PTPRK: variants seen among roughly 807,000 people sequenced by gnomAD.
The protein encoded by PTPRK is protein tyrosine phosphatase receptor type K.
Under a neutral mutation model 178.0 loss-of-function variants are expected in PTPRK, and 75 were observed. That is an observed-to-expected ratio of 0.42 (90% CI 0.35 to 0.51). The LOEUF (loss-of-function observed/expected upper bound fraction) is 0.51, where lower values mean the gene tolerates loss of function less well. Among genes scored for constraint, PTPRK ranks in the 20% least tolerant of loss-of-function variants. The pLI, the probability that PTPRK is intolerant of heterozygous loss-of-function variation, is 0.02. For missense variants in PTPRK, 1,441 were observed against 1,797.8 expected (o/e 0.80, Z 3.59); for synonymous variants, 637 against 620.6 (o/e 1.03, Z -0.39).
At chr6:128,141,065 T>C (rs1386954497) in intron 7 of PTPRK, among the ~76,000 whole-genome samples, 1 of 152,000 alleles carries the variant, frequency 6.6e-6, no homozygotes, top group African/African-American at 2.4e-5. Context: ...AAACACAACT[T>C]GATTTCTTCA....
chr6:128,019,323 C>T (rs1773090662), intron 13 of PTPRK, among the ~76,000 whole-genome samples: 1 of 152,098 alleles, frequency 6.6e-6, no homozygotes, highest in Non-Finnish European at 1.5e-5. Flanking sequence ...ATGTTTAACA[C>T]TGCCTTTTCA....
rs11373222 is a variant in PTPRK, at chr6:128,415,504, G to GAA, written c.101-17818_101-17817dup. Among the ~76,000 whole-genome samples, 1,313 of 143,904 alleles carry GAA rather than the reference G, an allele frequency of 9.1e-3. 5 individuals are homozygous for GAA. The highest frequency in any genetic ancestry group is 0.012 in the South Asian group (54 of 4,472). 94.4% of individuals were successfully genotyped at this position (143,904 alleles called of 152,430 possible). ...ACATGCCATTTGAGATATGCAGTGA[G>GAA]AAAAAAAAAAAAAAAATTATTCTCA... is the stretch of plus-strand genomic sequence containing the variant. On this transcript the variant is annotated intron_variant, in intron 1 of 29. Transcript: ENST00000368226.
At chr6:128,491,922 C>G in intron 1 of PTPRK, 1 of 451,520 alleles carries the variant, frequency 2.2e-6, no homozygotes, top group Non-Finnish European at 4.5e-6. Context: ...AATGAAACTT[C>G]CCCTGGGAAT....
chr6:128,017,751 A>AAT (rs969518782), intron 13 of PTPRK, among the ~76,000 whole-genome samples: 1 of 34,500 alleles, frequency 2.9e-5, no homozygotes, highest in Non-Finnish European at 4.9e-5. Flanking sequence ...TATATAAATA[A>AAT]ATATATATAC....
At chr6:128,245,769 T>C (rs953735622) in intron 3 of PTPRK, among the ~76,000 whole-genome samples, 2 of 152,198 alleles carry the variant, frequency 1.3e-5, no homozygotes, top group Non-Finnish European at 2.9e-5. Context: ...TTGTAAATAC[T>C]GGAACAAGGG....
At chr6:128,018,853 G>T (rs762375992) in intron 13 of PTPRK, among the ~76,000 whole-genome samples, 1 of 152,074 alleles carries the variant, frequency 6.6e-6, no homozygotes, top group African/African-American at 2.4e-5. Flanking sequence ...ATCTGTTATT[G>T]TTTATCATTT....
intron 7 of PTPRK, among the ~76,000 whole-genome samples, chr6:128,127,542 C>G (rs17055339): frequency 0.025 from 3,876 of 152,288 alleles, 76 homozygotes; most frequent in Middle Eastern, 0.095. Flanking sequence ...ATTACAACAG[C>G]GATGCAATGT....
chr6:128,011,266 T>G (rs1435557732), intron 13 of PTPRK, among the ~76,000 whole-genome samples: 1 of 151,196 alleles, frequency 6.6e-6, no homozygotes, highest in Non-Finnish European at 1.5e-5. Flanking sequence ...AATCAAAGAC[T>G]ACTTTCTTCA....
chr6:128,113,394 T>C (rs1384494381), intron 7 of PTPRK, among the ~76,000 whole-genome samples: 5 of 149,590 alleles, frequency 3.3e-5, no homozygotes, highest in South Asian at 4.2e-4. Context: ...AAATTATATA[T>C]ATAAAATAAC....
At position 127,985,835 on chromosome 6, in the gene PTPRK, A is replaced by T; in HGVS notation, c.3137T>A (p.Phe1046Tyr). 1.9e-6 allele frequency: 3 copies of T among 1,613,664 alleles called. No homozygotes were observed. Among genetic ancestry groups the T allele is most frequent in the Non-Finnish European group, 2.5e-6 (3 of 1,179,636 alleles). The part of the protein sequence containing the change: ...NEIREVKQFH[F>Y]TGWPDHGVPY... ...CACTCCATGGTCAGGCCAGCCCGTG[A>T]AATGGAACTGTTTAACTTCACGGAT... Residue 1046 changes from phenylalanine to tyrosine, a missense_variant, in exon 22 of 30, where the codon TTC becomes TAC. By Grantham distance (22) the Phe-to-Tyr change is conservative. Transcript: ENST00000368226.
chr6:128,189,515 A>C (rs1243082978), intron 6 of PTPRK, among the ~76,000 whole-genome samples: 1 of 152,012 alleles, frequency 6.6e-6, no homozygotes, highest in Non-Finnish European at 1.5e-5. Context: ...CTGGGATTAC[A>C]GGTGTGAGCC....
At chr6:128,199,192 A>G (rs1000594034) in intron 6 of PTPRK, among the ~76,000 whole-genome samples, 1 of 152,166 alleles carries the variant, frequency 6.6e-6, no homozygotes, top group Non-Finnish European at 1.5e-5. Flanking sequence ...GCTATTGTAA[A>G]TAGCTCAAGG....
intron 1 of PTPRK, among the ~76,000 whole-genome samples, chr6:128,435,949 T>C (rs1178214433): frequency 6.7e-6 from 1 of 150,182 alleles, no homozygotes; most frequent in African/African-American, 2.4e-5. Context: ...AGTCAACTAA[T>C]TGACCAAATT....
At chr6:128,464,203 AT>A (rs962533505) in intron 1 of PTPRK, among the ~76,000 whole-genome samples, 3 of 152,170 alleles carry the variant, frequency 2.0e-5, no homozygotes, top group Admixed American at 6.6e-5. Flanking sequence ...ACAAAAAAAA[AT>A]CTCTTCATGT....
chr6:128,093,657 CAAAA>C (rs1434822541), intron 7 of PTPRK, among the ~76,000 whole-genome samples: 2 of 41,534 alleles, frequency 4.8e-5, no homozygotes, highest in African/African-American at 9.6e-5. Context: ...AAACAAAAAA[CAAAA>C]AAGGAAAAAA....
chr6:128,439,753 T>G (rs1233086646), intron 1 of PTPRK, among the ~76,000 whole-genome samples: 1 of 152,202 alleles, frequency 6.6e-6, no homozygotes, highest in Non-Finnish European at 1.5e-5. Context: ...TCTAAACATC[T>G]GAATGGTTCC....
chr6:128,360,911 C>A (rs959752492), intron 2 of PTPRK, among the ~76,000 whole-genome samples: 10 of 152,062 alleles, frequency 6.6e-5, no homozygotes, highest in African/African-American at 2.2e-4. Context: ...CATGAAATAA[C>A]CTGTGTCATA....
intron 13 of PTPRK, among the ~76,000 whole-genome samples, chr6:128,038,372 T>C (rs1776578635): frequency 6.6e-6 from 1 of 152,216 alleles, no homozygotes; most frequent in Non-Finnish European, 1.5e-5. Flanking sequence ...AAAATATTCT[T>C]CACATTTGCC....
At position 128,393,835 on chromosome 6, in the gene PTPRK, A is replaced by G. The variant is rs968757569; in HGVS notation, c.223+3731T>C. ...GTGTGCATTGGTTTTTATTTTTTTCAATTTACATTGACATATCAGATACAT... is the reference window on the plus strand; with the variant it reads ...GTGTGCATTGGTTTTTATTTTTTTCGATTTACATTGACATATCAGATACAT... On this transcript the variant is annotated intron_variant, in intron 2 of 29. Transcript: ENST00000368226. 5.3e-5 allele frequency among the ~76,000 whole-genome samples: 8 copies of G among 152,166 alleles called. No individual in the cohort carries two copies. The East Asian group carries it at 1.5e-3, about 29-fold the overall frequency.
Sources: allele counts gnomAD v4.1 joint callset (sites outside exome capture counted in the v4.1 genomes callset), GRCh38; gene constraint gnomAD v4.1.1; transcripts MANE v1.5; gene names NCBI Gene and HGNC (gene_info 2026-07-23, HGNC 2026-07-21).